Variants in NCKAP5 observed in about 807,000 individuals in gnomAD.
The protein encoded by NCKAP5 is NCK associated protein 5.
Under a neutral mutation model 167.0 loss-of-function variants are expected in NCKAP5, and 92 were observed. The observed-to-expected ratio is 0.55, with a 90% CI of 0.47 to 0.66. The LOEUF (loss-of-function observed/expected upper bound fraction) is 0.66. Among genes scored for constraint, NCKAP5 ranks in the 30% least tolerant of loss-of-function variants. NCKAP5 has a pLI of 0.00. For synonymous variants in NCKAP5, 891 were observed against 877.4 expected (o/e 1.02, Z -0.27); for missense variants, 2,378 against 2,315.0 (o/e 1.03, Z -0.56).
chr2:133,183,949 ATATTTT>A (rs1471554175), intron 5 of NCKAP5, among the ~76,000 whole-genome samples: 3 of 152,112 alleles, frequency 2.0e-5, no homozygotes, highest in Non-Finnish European at 4.4e-5. Flanking sequence ...AACAAAATTT[ATATTTT>A]TATTTTTATT....
At chr2:133,226,095 C>T (rs963973069) in intron 4 of NCKAP5, among the ~76,000 whole-genome samples, 1 of 130,896 alleles carries the variant, frequency 7.6e-6, no homozygotes, top group Non-Finnish European at 1.7e-5. Context: ...TGCCTGGCTG[C>T]CACACTCAAT....
At chr2:133,133,718 G>T (rs2082689067) in intron 5 of NCKAP5, among the ~76,000 whole-genome samples, 1 of 152,172 alleles carries the variant, frequency 6.6e-6, no homozygotes, top group African/African-American at 2.4e-5. Flanking sequence ...TCAATCTGGA[G>T]AATATTTTAC....
intron 5 of NCKAP5, among the ~76,000 whole-genome samples, chr2:133,144,646 A>C (rs2083119886): frequency 6.6e-6 from 1 of 152,178 alleles, no homozygotes; most frequent in African/African-American, 2.4e-5. Flanking sequence ...AAAATCACGT[A>C]ATATTTGTGC....
chr2:132,707,439 G>A (rs913028605), intron 19 of NCKAP5, among the ~76,000 whole-genome samples: 6 of 152,328 alleles, frequency 3.9e-5, no homozygotes, highest in South Asian at 2.1e-4. Context: ...GGGCCTCAAG[G>A]ACTGCAACTC....
chr2:132,887,352 C>CTATCTATCTATCTATCT (rs1558902689), intron 8 of NCKAP5, among the ~76,000 whole-genome samples: 13 of 112,748 alleles, frequency 1.2e-4, no homozygotes, highest in African/African-American at 3.7e-4. Flanking sequence ...TCTATCTATC[C>CTATCTATCTATCTATCT]ATCCATCCAT....
At chr2:132,704,941 T>C (rs1688215415) in intron 19 of NCKAP5, among the ~76,000 whole-genome samples, 1 of 152,188 alleles carries the variant, frequency 6.6e-6, no homozygotes, top group Non-Finnish European at 1.5e-5. Flanking sequence ...TTCCCTCTCC[T>C]CCTTTCCCAG....
chr2:132,698,247 C>T (rs1331666151), intron 19 of NCKAP5, among the ~76,000 whole-genome samples: 1 of 152,078 alleles, frequency 6.6e-6, no homozygotes, highest in Non-Finnish European at 1.5e-5. Flanking sequence ...CTCATTTTTC[C>T]TGCTTAAAAA....
At chr2:133,356,636 C>A (rs1684734023) in intron 3 of NCKAP5, among the ~76,000 whole-genome samples, 2 of 152,164 alleles carry the variant, frequency 1.3e-5, no homozygotes, top group African/African-American at 4.8e-5. Flanking sequence ...CAAATCAACA[C>A]AATATTGCAT....
At chr2:132,788,498 A>G (rs992304124) in intron 13 of NCKAP5, among the ~76,000 whole-genome samples, 1 of 152,156 alleles carries the variant, frequency 6.6e-6, no homozygotes, top group Non-Finnish European at 1.5e-5. Flanking sequence ...TGCCTGTGGC[A>G]TCTTGGTTCA....
chr2:133,167,483 C>T (rs1038075632), intron 5 of NCKAP5, among the ~76,000 whole-genome samples: 2 of 152,128 alleles, frequency 1.3e-5, no homozygotes, highest in Non-Finnish European at 2.9e-5. Context: ...TTTGATCCCC[C>T]TACCATACAT....
At chr2:132,759,956 T>A (rs1680863890) in intron 16 of NCKAP5, among the ~76,000 whole-genome samples, 1 of 152,064 alleles carries the variant, frequency 6.6e-6, no homozygotes, top group Non-Finnish European at 1.5e-5. Flanking sequence ...TTCTACTAGA[T>A]GGGAAATTTT....
At chr2:133,476,716 C>G (rs968378750) in intron 3 of NCKAP5, among the ~76,000 whole-genome samples, 2 of 152,200 alleles carry the variant, frequency 1.3e-5, no homozygotes, top group African/African-American at 2.4e-5. Context: ...CATCTGTCTT[C>G]GGTTCTCCTT....
At chr2:132,915,621 A>G (rs1694807554) in intron 8 of NCKAP5, 1 of 152,192 alleles carries the variant, frequency 6.6e-6, no homozygotes, top group African/African-American at 2.4e-5. Context: ...AGTCACAGAG[A>G]GGGGCCTTCG....
At chr2:132,768,637 C>CTTTT (rs566719697) in intron 16 of NCKAP5, among the ~76,000 whole-genome samples, 4 of 124,586 alleles carry the variant, frequency 3.2e-5, no homozygotes, top group Non-Finnish European at 3.3e-5. Context: ...TTAATAATAT[C>CTTTT]TTTTTTTTTT....
chr2:133,250,802 A>G (rs752354062), intron 4 of NCKAP5, among the ~76,000 whole-genome samples: 3 of 151,958 alleles, frequency 2.0e-5, no homozygotes, highest in Non-Finnish European at 4.4e-5. Context: ...TGATGGCACA[A>G]ACCTGTAGTC....
At chr2:133,069,870 AAT>A (rs147055702) in intron 6 of NCKAP5, among the ~76,000 whole-genome samples, 3 of 151,246 alleles carry the variant, frequency 2.0e-5, no homozygotes, top group Non-Finnish European at 2.9e-5. Context: ...ATTTATTAAA[AAT>A]ATATATATAT....
intron 5 of NCKAP5, among the ~76,000 whole-genome samples, chr2:133,158,220 G>A (rs1183769909): frequency 6.6e-6 from 1 of 152,144 alleles, no homozygotes; most frequent in Non-Finnish European, 1.5e-5. Context: ...TATATTTGCT[G>A]TCATTGTGTT....
chr2:133,173,567 G>A (rs1424156342), intron 5 of NCKAP5, among the ~76,000 whole-genome samples: 3 of 152,074 alleles, frequency 2.0e-5, no homozygotes, highest in African/African-American at 7.2e-5. Context: ...TGTTTGGCTG[G>A]TTTACCAGAA....
intron 6 of NCKAP5, among the ~76,000 whole-genome samples, chr2:132,997,818 G>T (rs946121678): frequency 1.3e-5 from 2 of 149,972 alleles, no homozygotes; most frequent in African/African-American, 4.9e-5. Flanking sequence ...AAAAAAAATC[G>T]GTGCAAAGAA....
Sources: allele counts gnomAD v4.1 joint callset (sites outside exome capture counted in the v4.1 genomes callset), GRCh38; gene constraint gnomAD v4.1.1; transcripts MANE v1.5; gene names NCBI Gene and HGNC (gene_info 2026-07-23, HGNC 2026-07-21).